The following NEGR1 variants were observed in gnomAD, a reference collection of about 807,000 sequenced individuals.
NEGR1 encodes IgLON family member 4.
A neutral mutation model predicts 40.9 loss-of-function variants in NEGR1; 10 were observed. That is an observed-to-expected ratio of 0.24 (90% CI 0.15 to 0.42). NEGR1 has a LOEUF of 0.42. NEGR1 is among the 10% of genes least tolerant of loss of function. The pLI, the probability that NEGR1 is intolerant of heterozygous loss-of-function variation, is 1.00. For missense variants in NEGR1, 352 were observed against 438.9 expected (o/e 0.80, Z 1.77); for synonymous variants, 185 against 166.8 (o/e 1.11, Z -0.84).
At chr1:71,919,495 C>T (rs1049231827) in intron 2 of NEGR1, among the ~76,000 whole-genome samples, 4 of 147,722 alleles carry the variant, frequency 2.7e-5, no homozygotes, top group African/African-American at 7.5e-5. Flanking sequence ...ACTATCTTAA[C>T]CTTTTTTTTT....
At chr1:72,091,440 C>T (rs1354057693) in intron 1 of NEGR1, among the ~76,000 whole-genome samples, 2 of 146,124 alleles carry the variant, frequency 1.4e-5, no homozygotes, top group Non-Finnish European at 3.0e-5. Flanking sequence ...TCCCTCCCTC[C>T]CTAACTCCAT....
chr1:71,627,510 C>T (rs1316935025), intron 4 of NEGR1, among the ~76,000 whole-genome samples: 1 of 151,992 alleles, frequency 6.6e-6, no homozygotes, highest in African/African-American at 2.4e-5. Flanking sequence ...GCTATAGACA[C>T]AGTGATGCTG....
chr1:72,159,259 C>T (rs1651468898), intron 1 of NEGR1, among the ~76,000 whole-genome samples: 1 of 152,110 alleles, frequency 6.6e-6, no homozygotes, highest in Admixed American at 6.6e-5. Context: ...AGTCTCCTTG[C>T]CGTTCCGTAA....
At chr1:71,588,477 A>G (rs1649382152) in intron 6 of NEGR1, among the ~76,000 whole-genome samples, 2 of 152,078 alleles carry the variant, frequency 1.3e-5, no homozygotes, top group Admixed American at 1.3e-4. Context: ...GAATTTTTGG[A>G]CAGAGAATCT....
intron 2 of NEGR1, among the ~76,000 whole-genome samples, chr1:71,862,863 A>T (rs147134970): frequency 1.3e-5 from 2 of 152,228 alleles, no homozygotes; most frequent in Admixed American, 1.3e-4. Context: ...AACGTCACTG[A>T]TCATTAGAAA....
chr1:71,905,111 T>C (rs934358952), intron 2 of NEGR1, among the ~76,000 whole-genome samples: 1 of 152,116 alleles, frequency 6.6e-6, no homozygotes, highest in Admixed American at 6.6e-5. Flanking sequence ...CATAAAGACA[T>C]TCAATCCACT....
chr1:72,083,699 G>T (rs992521053), intron 1 of NEGR1, among the ~76,000 whole-genome samples: 3 of 152,036 alleles, frequency 2.0e-5, no homozygotes, highest in African/African-American at 7.2e-5. Flanking sequence ...ATTTTGGAGG[G>T]AAGTTCTTTC....
In NEGR1 at chr1:72,089,103, G is replaced by C. The variant is rs985844132; in HGVS notation, c.177-153792C>G. On this transcript the variant is annotated intron_variant, in intron 1 of 6. Coordinates refer to ENST00000357731, the MANE Select transcript of NEGR1 (RefSeq NM_173808.3). ...AATGTTGAATCATTAGGCAGAGGTG[G>C]GGTACAGATTCTGCTTTTCTAACAA... 2.6e-5 allele frequency among the ~76,000 whole-genome samples: 4 copies of C among 152,198 alleles called. No individual in the cohort carries two copies. The East Asian group carries it at 7.7e-4, about 29-fold the overall frequency.
At chr1:71,904,262 T>C (rs1661218070) in intron 2 of NEGR1, among the ~76,000 whole-genome samples, 1 of 152,040 alleles carries the variant, frequency 6.6e-6, no homozygotes, top group Non-Finnish European at 1.5e-5. Flanking sequence ...AATTAATTTA[T>C]ATTGTTAATC....
intron 1 of NEGR1, among the ~76,000 whole-genome samples, chr1:72,115,141 G>T (rs1469044604): frequency 6.6e-6 from 1 of 151,674 alleles, no homozygotes; most frequent in Non-Finnish European, 1.5e-5. Context: ...GTGAGGCAAA[G>T]AATATTCTCA....
intron 1 of NEGR1, among the ~76,000 whole-genome samples, chr1:71,961,319 TATTTA>T (rs1198075609): frequency 6.6e-6 from 1 of 152,166 alleles, no homozygotes; most frequent in Non-Finnish European, 1.5e-5. Flanking sequence ...TATTGAACAT[TATTTA>T]TCGCTGGCTT....
chr1:71,906,992 A>T (rs1661294759), intron 2 of NEGR1, among the ~76,000 whole-genome samples: 1 of 152,066 alleles, frequency 6.6e-6, no homozygotes, highest in South Asian at 2.1e-4. Context: ...CAACTGGTTG[A>T]CTCCAATTAA....
chr1:71,739,771 A>AT (rs1311513960), intron 3 of NEGR1, among the ~76,000 whole-genome samples: 1 of 152,128 alleles, frequency 6.6e-6, no homozygotes, highest in African/African-American at 2.4e-5. Context: ...AGTCTGTAGA[A>AT]TTTTTTGTCT....
intron 4 of NEGR1, among the ~76,000 whole-genome samples, chr1:71,661,372 C>T (rs953715902): frequency 6.6e-6 from 1 of 152,108 alleles, no homozygotes; most frequent in African/African-American, 2.4e-5. Context: ...GCTGGATCAC[C>T]ACACCAGGGA....
chr1:72,240,206 C>G (rs1168226207), intron 1 of NEGR1, among the ~76,000 whole-genome samples: 1 of 151,718 alleles, frequency 6.6e-6, no homozygotes, highest in African/African-American at 2.4e-5. Flanking sequence ...AGATAAACAA[C>G]TTGGGTTAAG....
chr1:71,484,872 C>A (rs1646876692), intron 6 of NEGR1: 1 of 151,676 alleles, frequency 6.6e-6, no homozygotes, highest in South Asian at 2.1e-4. Flanking sequence ...GTACTTCCAA[C>A]TCACTAAGAG....
At chr1:71,927,658 C>T (rs1645787399) in intron 2 of NEGR1, among the ~76,000 whole-genome samples, 1 of 151,208 alleles carries the variant, frequency 6.6e-6, no homozygotes, top group South Asian at 2.1e-4. Flanking sequence ...TTAAATATTT[C>T]CTACTGGATA....
intron 2 of NEGR1, among the ~76,000 whole-genome samples, chr1:71,859,165 C>T (rs1659867799): frequency 6.6e-6 from 1 of 151,996 alleles, no homozygotes; most frequent in East Asian, 1.9e-4. Flanking sequence ...ATACCTTTTG[C>T]CCCCATTCTT....
chr1:71,894,217 T>TATA (rs569072701), intron 2 of NEGR1, among the ~76,000 whole-genome samples: 3 of 134,346 alleles, frequency 2.2e-5, no homozygotes, highest in East Asian at 2.2e-4. Flanking sequence ...AAACTTAAAG[T>TATA]ATAATAATAA....
Sources: gnomAD v4.1 joint callset for allele counts (sites outside exome capture counted in the v4.1 genomes callset) on GRCh38, gnomAD v4.1.1 for gene constraint, MANE v1.5 for transcripts, NCBI Gene and HGNC (gene_info 2026-07-23, HGNC 2026-07-21) for gene names.